C13orf46: variants seen among roughly 807,000 people sequenced by gnomAD.
The protein encoded by C13orf46 is chromosome 13 open reading frame 46.
chr13:113,971,101 G>C (rs1045543998), intron 1 of C13orf46, among the ~76,000 whole-genome samples: 1 of 152,222 alleles, frequency 6.6e-6, no homozygotes, highest in African/African-American at 2.4e-5. Flanking sequence ...TGGAGTGAGC[G>C]GATTCCAGAT....
At chr13:113,927,559 A>T in the C13orf46 span, 5 of 398,532 alleles carry the variant, frequency 1.3e-5, no homozygotes, top group African/African-American at 1.0e-4. Flanking sequence ...CACACACCCA[A>T]CTACACTGAT....
chr13:113,972,649 G>C (rs759578557), intron 1 of C13orf46, among the ~76,000 whole-genome samples: 2 of 152,184 alleles, frequency 1.3e-5, no homozygotes, highest in African/African-American at 4.8e-5. Context: ...TCAGAGTGGC[G>C]AGTGTGGACC....
chr13:113,931,534 G>C, the C13orf46 span, among the ~76,000 whole-genome samples: 4 of 152,204 alleles, frequency 2.6e-5, no homozygotes, highest in Non-Finnish European at 4.4e-5. Flanking sequence ...CCCCTCAGAC[G>C]GCACCTGCGG....
chr13:113,944,677 G>GGT, the C13orf46 span, among the ~76,000 whole-genome samples: 3 of 80,398 alleles, frequency 3.7e-5, no homozygotes, highest in African/African-American at 5.3e-5. Flanking sequence ...GGATCCTCCA[G>GGT]GTGTGACAAG....
At chr13:113,968,285 G>A (rs1283978146) in intron 4 of C13orf46, among the ~76,000 whole-genome samples, 182 bp downstream of exon 4, 2 of 152,154 alleles carry the variant, frequency 1.3e-5, no homozygotes, top group Non-Finnish European at 2.9e-5. Context: ...CGGGTAAAGA[G>A]TCTCAGAGCT....
the C13orf46 span, among the ~76,000 whole-genome samples, chr13:113,932,566 T>C: frequency 6.6e-6 from 1 of 152,258 alleles, no homozygotes; most frequent in Non-Finnish European, 1.5e-5. Context: ...TACTTTTTAA[T>C]TGAATTGTTT....
the C13orf46 span, among the ~76,000 whole-genome samples, chr13:113,935,675 T>C: frequency 3.3e-5 from 5 of 152,328 alleles, no homozygotes; most frequent in East Asian, 5.8e-4. Flanking sequence ...ACGGCAACCA[T>C]TGTTTTGGGG....
At chr13:113,940,140 C>T in the C13orf46 span, among the ~76,000 whole-genome samples, 1 of 152,246 alleles carries the variant, frequency 6.6e-6, no homozygotes, top group Non-Finnish European at 1.5e-5. Context: ...TGCGCCTCGG[C>T]CTCAGATGCA....
Position 113,955,097 on chromosome 13 carries a change from A to G in C13orf46, c.*1676T>C, listed in dbSNP as rs2052512828. On this transcript the variant is annotated 3_prime_UTR_variant, in exon 7 of 7. Coordinates refer to ENST00000636427, the MANE Select transcript of C13orf46 (RefSeq NM_001365455.2). The stretch of plus-strand genomic sequence containing the variant: ...GGAGCATCCAGTGGGGATGAGGAGC[A>G]GCTGGTGGAGAGGAGCAGCAGCTGG... 2 of 226,762 alleles carry G rather than the reference A, an allele frequency of 8.8e-6. No individual in the cohort carries two copies. The highest frequency in any genetic ancestry group is 6.3e-5 in the Admixed American group (1 of 15,888). 14.0% of individuals were successfully genotyped at this position (226,762 alleles called of 1,614,324 possible). A position where few individuals can be genotyped will look rare whatever the true frequency, so the allele number is the denominator to read the frequency against.
At chr13:113,972,215 C>T (rs754460716) in intron 1 of C13orf46, among the ~76,000 whole-genome samples, 7 of 152,228 alleles carry the variant, frequency 4.6e-5, no homozygotes, top group African/African-American at 9.7e-5. Flanking sequence ...CTTAAATTCC[C>T]GCTAAGCAGC....
chr13:113,963,566 G>A lies in C13orf46; in HGVS notation c.572+1361C>T, dbSNP rs1358589007. On this transcript the variant is annotated intron_variant, in intron 6 of 6. Coordinates refer to ENST00000636427, the MANE Select transcript of C13orf46 (RefSeq NM_001365455.2). ...TCCTCAGCCCTCGCTCCAGTCCTCA[G>A]CCTCGCCCCTGTCCTCAGCCTCGGC... 2.3e-5 allele frequency among the ~76,000 whole-genome samples: 3 copies of A among 128,586 alleles called. No individual in the cohort carries two copies. The Admixed American group carries it at 2.5e-4, about 11-fold the overall frequency. The allele number at this position is 128,586 out of a possible 152,430, so 84.4% of individuals were successfully genotyped here.
chr13:113,961,294 A>C lies in C13orf46; in HGVS notation c.572+3633T>G, dbSNP rs2052584544. Among the ~76,000 whole-genome samples, 3 of 151,934 alleles carry C rather than the reference A, an allele frequency of 2.0e-5. No homozygotes were observed. The South Asian group carries it at 6.2e-4, about 31-fold the overall frequency. On this transcript the variant is annotated intron_variant, in intron 6 of 6. Coordinates refer to ENST00000636427, the MANE Select transcript of C13orf46 (RefSeq NM_001365455.2). Reference sequence around the variant, plus strand: ...AATGTTCTAAAAATTACATACATTTATATTAATATAATATCAGTCATAATT... The same window carrying C: ...AATGTTCTAAAAATTACATACATTTCTATTAATATAATATCAGTCATAATT...
chr13:113,955,908 A>AGAGGAGGAGCATCTCGCG lies in C13orf46; in HGVS notation c.*864_*865insCGCGAGATGCTCCTCCTC, dbSNP rs2052526394. 3 of 119,764 alleles carry AGAGGAGGAGCATCTCGCG rather than the reference A, an allele frequency of 2.5e-5. No homozygotes were observed. The East Asian group carries it at 7.5e-4, about 30-fold the overall frequency. 7.4% of individuals were successfully genotyped at this position (119,764 alleles called of 1,614,324 possible). On this transcript the variant is annotated 3_prime_UTR_variant, in exon 7 of 7. Transcript: ENST00000636427. ...CCGGTGGAGAGGAGGAGCATCTCGC[A>AGAGGAGGAGCATCTCGCG]GAGAGGAGGAGCATCTCGCGGAGAC...
the C13orf46 span, among the ~76,000 whole-genome samples, chr13:113,934,961 G>A: frequency 6.6e-5 from 10 of 152,246 alleles, no homozygotes; most frequent in African/African-American, 2.4e-4. Flanking sequence ...GGCCCTGTGG[G>A]GAGCTGACTG....
chr13:113,955,212 G>T lies in C13orf46; in HGVS notation c.*1561C>A. The T allele has an allele frequency of 4.7e-6, 1 of 214,496 alleles. No individual in the cohort carries two copies. The highest frequency in any genetic ancestry group is 9.3e-6 in the Non-Finnish European group (1 of 108,062). The allele number at this position is 214,496 out of a possible 1,614,324, so 13.3% of individuals were successfully genotyped here. A position where few individuals can be genotyped will look rare whatever the true frequency, so the allele number is the denominator to read the frequency against. On this transcript the variant is annotated 3_prime_UTR_variant, in exon 7 of 7. Transcript: ENST00000636427. The stretch of plus-strand genomic sequence containing the variant: ...GAGGAGGAGCATCCCGTGGAGACGA[G>T]GAGCATCCCGTGGAGACGAGGAGCA...
chr13:113,971,677 G>C (rs913950868), intron 1 of C13orf46, among the ~76,000 whole-genome samples: 4 of 152,264 alleles, frequency 2.6e-5, no homozygotes, highest in African/African-American at 9.6e-5. Context: ...AGGCCTCCCT[G>C]TGAAGTGGAC....
At chr13:113,927,752 A>G in the C13orf46 span, 1 of 396,648 alleles carries the variant, frequency 2.5e-6, no homozygotes. Flanking sequence ...GTGTCACCTC[A>G]CTCCTGGCAG....
the C13orf46 span, among the ~76,000 whole-genome samples, chr13:113,942,073 G>C: frequency 6.6e-6 from 1 of 152,238 alleles, no homozygotes; most frequent in South Asian, 2.1e-4. Context: ...CCAACATGAA[G>C]AGCTGCCAAA....
At chr13:113,950,914 C>G (rs1466205527), downstream of C13orf46, among the ~76,000 whole-genome samples, 1 of 152,234 alleles carries the variant, frequency 6.6e-6, no homozygotes, top group African/African-American at 2.4e-5. Flanking sequence ...TTCCCCGGGG[C>G]CCCGGGATGT....
Sources: allele counts gnomAD v4.1 joint callset (sites outside exome capture counted in the v4.1 genomes callset), GRCh38; gene constraint gnomAD v4.1.1; transcripts MANE v1.5; gene names NCBI Gene and HGNC (gene_info 2026-07-23, HGNC 2026-07-21).